Variants in TASP1 observed in about 807,000 individuals in gnomAD.
The protein encoded by TASP1 is taspase 1, also known as threonine aspartase 1.
In TASP1, 16 loss-of-function variants were observed where a neutral mutation model predicts 56.6. The ratio of observed to expected loss-of-function variants is 0.28; its 90% CI spans 0.19 to 0.43. The LOEUF is 0.43. Ranked by LOEUF, TASP1 falls within the 20% of genes least tolerant of loss-of-function variation. The pLI, the probability that TASP1 is intolerant of heterozygous loss-of-function variation, is 1.00. For synonymous variants in TASP1, 179 were observed against 184.2 expected, an observed-to-expected ratio of 0.97 and a Z score of 0.23; for missense variants, 393 against 511.6, an observed-to-expected ratio of 0.77 and a Z score of 2.24.
intron 10 of TASP1, among the ~76,000 whole-genome samples, chr20:13,518,312 GT>G (rs1329031154): frequency 6.6e-6 from 1 of 152,084 alleles, no homozygotes; most frequent in African/African-American, 2.4e-5. Context: ...TAAGAGCAAT[GT>G]ATTTAACTCC....
chr20:13,315,507 A>C, the TASP1 span, among the ~76,000 whole-genome samples: 2 of 152,066 alleles, frequency 1.3e-5, no homozygotes, highest in Non-Finnish European at 2.9e-5. Flanking sequence ...ATATGTATTC[A>C]CCTAATAACA....
chr20:13,595,761 C>T (rs868308051), intron 4 of TASP1, among the ~76,000 whole-genome samples: 4 of 152,058 alleles, frequency 2.6e-5, no homozygotes, highest in East Asian at 3.9e-4. Flanking sequence ...ATTTAGACTC[C>T]CACACAATAA....
chr20:13,555,226 A>T (rs1422357826), intron 8 of TASP1, among the ~76,000 whole-genome samples: 1 of 151,886 alleles, frequency 6.6e-6, no homozygotes, highest in Non-Finnish European at 1.5e-5. Flanking sequence ...TCTACTAAAA[A>T]TACAAAAATT....
At chr20:13,579,035 A>T (rs1432430714) in intron 6 of TASP1, among the ~76,000 whole-genome samples, 1 of 152,164 alleles carries the variant, frequency 6.6e-6, no homozygotes, top group East Asian at 1.9e-4. Flanking sequence ...TACTTTTTAC[A>T]TGGTTTATGC....
chr20:13,433,838 T>C (rs2042903996), intron 12 of TASP1, among the ~76,000 whole-genome samples: 1 of 120,582 alleles, frequency 8.3e-6, no homozygotes, highest in Admixed American at 8.3e-5. Context: ...ATAGTGTTTG[T>C]ATTAAAAAAA....
intron 8 of TASP1, among the ~76,000 whole-genome samples, chr20:13,546,986 A>G (rs973120950): frequency 3.3e-5 from 5 of 152,204 alleles, no homozygotes; most frequent in African/African-American, 1.2e-4. Flanking sequence ...AAAAGATTTT[A>G]AACCTATTGG....
chr20:13,638,438 G>A (rs2049391887), intron 1 of TASP1, among the ~76,000 whole-genome samples: 1 of 151,582 alleles, frequency 6.6e-6, no homozygotes, highest in Non-Finnish European at 1.5e-5. Context: ...CTCCCCCTGA[G>A]TAGTAAGTGC....
the TASP1 span, among the ~76,000 whole-genome samples, chr20:13,160,882 G>C: frequency 7.9e-5 from 12 of 152,222 alleles, no homozygotes; most frequent in Non-Finnish European, 1.5e-4. Flanking sequence ...GAGTGGAGAA[G>C]ATTCACAGGG....
chr20:13,338,131 A>T, the TASP1 span, among the ~76,000 whole-genome samples: 6 of 152,166 alleles, frequency 3.9e-5, no homozygotes, highest in African/African-American at 1.4e-4. Context: ...CTATTTTTAG[A>T]GTTATTTCTT....
chr20:13,296,112 A>G, the TASP1 span, among the ~76,000 whole-genome samples: 1 of 152,064 alleles, frequency 6.6e-6, no homozygotes. Context: ...TTCCTTAGAT[A>G]TGCCTCATCT....
At chr20:13,593,165 T>C (rs2147295822) in intron 4 of TASP1, among the ~76,000 whole-genome samples, 1 of 152,212 alleles carries the variant, frequency 6.6e-6, no homozygotes, top group Non-Finnish European at 1.5e-5. Flanking sequence ...AAAATGATAA[T>C]ACATCATAAC....
the TASP1 span, among the ~76,000 whole-genome samples, chr20:13,282,128 A>G: frequency 6.6e-6 from 1 of 152,028 alleles, no homozygotes; most frequent in South Asian, 2.1e-4. Flanking sequence ...TTGATTGCTC[A>G]TTATACTCAC....
the TASP1 span, among the ~76,000 whole-genome samples, chr20:13,177,985 T>C: frequency 1.3e-5 from 2 of 152,040 alleles, no homozygotes; most frequent in Non-Finnish European, 2.9e-5. Context: ...AATGGGAGAA[T>C]ATATTTGCAA....
At chr20:13,222,282 TG>T in the TASP1 span, among the ~76,000 whole-genome samples, 1 of 152,054 alleles carries the variant, frequency 6.6e-6, no homozygotes, top group Non-Finnish European at 1.5e-5. Flanking sequence ...GGCTGAGTAA[TG>T]TTACTCGAGG....
chr20:13,489,057 A>G (rs1190957555), intron 10 of TASP1, among the ~76,000 whole-genome samples: 1 of 152,142 alleles, frequency 6.6e-6, no homozygotes, highest in Non-Finnish European at 1.5e-5. Flanking sequence ...AGTGACTTAA[A>G]ATATAATTCT....
At chr20:13,302,182 A>C in the TASP1 span, among the ~76,000 whole-genome samples, 1 of 152,298 alleles carries the variant, frequency 6.6e-6, no homozygotes, top group East Asian at 1.9e-4. Context: ...GGTGAAAATG[A>C]CTAATGTGAG....
chr20:13,515,651 T>A (rs1195337385), intron 10 of TASP1, among the ~76,000 whole-genome samples: 1 of 151,176 alleles, frequency 6.6e-6, no homozygotes, highest in East Asian at 1.9e-4. Flanking sequence ...TGTTTAAAGA[T>A]CAGTACACCT....
At chr20:13,151,135 C>T in the TASP1 span, among the ~76,000 whole-genome samples, 1 of 152,126 alleles carries the variant, frequency 6.6e-6, no homozygotes, top group Non-Finnish European at 1.5e-5. Context: ...TATAGGTTGC[C>T]ACAGCTTCTA....
the TASP1 span, among the ~76,000 whole-genome samples, chr20:13,107,620 T>C: frequency 2.0e-5 from 3 of 152,120 alleles, no homozygotes; most frequent in Admixed American, 2.0e-4. Context: ...AAAAGGAAAG[T>C]GGCATGAAAT....
Sources: allele counts gnomAD v4.1 joint callset (sites outside exome capture counted in the v4.1 genomes callset), GRCh38; gene constraint gnomAD v4.1.1; transcripts MANE v1.5; gene names NCBI Gene and HGNC (gene_info 2026-07-23, HGNC 2026-07-21).